Variants in FAM53A observed in about 807,000 individuals in gnomAD.
FAM53A encodes protein FAM53A.
A neutral mutation model predicts 26.6 loss-of-function variants in FAM53A; 28 were observed. The ratio of observed to expected loss-of-function variants is 1.05; its 90% confidence interval spans 0.78 to 1.45. The LOEUF is 1.45. Among genes scored for constraint, FAM53A ranks in the 40% most tolerant of loss-of-function variants. The probability of loss-of-function intolerance (pLI) is 0.00; values close to 1 mark genes in which losing one functional copy is unlikely to be tolerated. For missense variants in FAM53A, 650 were observed against 575.8 expected (o/e 1.13, Z -1.32); for synonymous variants, 290 against 253.1 (o/e 1.15, Z -1.38).
intron 1 of FAM53A, among the ~76,000 whole-genome samples, chr4:1,624,324 T>C (rs957332618): frequency 6.6e-6 from 1 of 152,164 alleles, no homozygotes; most frequent in African/African-American, 2.4e-5. Flanking sequence ...GGTCAGGCGC[T>C]GTGTCAAGGG....
the FAM53A span, among the ~76,000 whole-genome samples, chr4:1,587,879 G>A: frequency 3.0e-4 from 45 of 152,198 alleles, no homozygotes; most frequent in Middle Eastern, 3.4e-3. Flanking sequence ...AATTTTAAAT[G>A]ATTGTATTTT....
rs540508487 is a variant in FAM53A, at chr4:1,630,687, A to T, written c.432-12576T>A. ...AGACAGAAAAGGCCCGCACAGCATG[A>T]TCCCACGTCTACGAAATGCCCAGCT... On this transcript the variant is annotated intron_variant, in intron 1 of 1. Transcript: ENST00000489029. This position sits in a 1 kb window ranked among gnomAD's most constrained non-coding sequence, Gnocchi z 4.3. 1.2e-3 allele frequency among the ~76,000 whole-genome samples: 181 copies of T among 152,238 alleles called. No homozygotes were observed. The highest frequency in any genetic ancestry group is 2.1e-3 in the Non-Finnish European group (143 of 68,000).
rs1180077669 is a variant in FAM53A at position 1,640,549 on chromosome 4, A to G, written c.*744T>C. The G allele has an allele frequency of 2.1e-5, 7 of 331,554 alleles. No individual in the cohort carries two copies. The highest frequency in any genetic ancestry group is 6.9e-5 in the African/African-American group (3 of 43,720). 20.5% of individuals were successfully genotyped at this position (331,554 alleles called of 1,614,324 possible). On this transcript the variant is annotated 3_prime_UTR_variant, in exon 5 of 5. Coordinates refer to ENST00000308132, the MANE Select transcript of FAM53A (RefSeq NM_001174070.3). ...TTCTCCCGAACTGCAAAAGCCATAA[A>G]AATGCAAAATGCTTCTTTAGGAAAA...
chr4:1,665,442 C>G (rs1180741284), intron 2 of FAM53A, among the ~76,000 whole-genome samples: 1 of 151,124 alleles, frequency 6.6e-6, no homozygotes, highest in Non-Finnish European at 1.5e-5. Flanking sequence ...GACGTGCGAT[C>G]ACTCCACTGC....
At chr4:1,586,515 C>G in the FAM53A span, among the ~76,000 whole-genome samples, 1 of 152,050 alleles carries the variant, frequency 6.6e-6, no homozygotes, top group East Asian at 1.9e-4. Context: ...GTGGCTCACA[C>G]CTGTAATCCC....
chr4:1,615,417 A>G (rs73795175), downstream of FAM53A, among the ~76,000 whole-genome samples: 7,516 of 145,702 alleles, frequency 0.052, 659 homozygotes, highest in African/African-American at 0.18. Context: ...ACCTGGGCAC[A>G]CATGGAAGAC....
chr4:1,670,193 C>T (rs553960575), intron 1 of FAM53A, among the ~76,000 whole-genome samples: 1 of 152,386 alleles, frequency 6.6e-6, no homozygotes, highest in African/African-American at 2.4e-5. Context: ...GAGACTCACA[C>T]GCACACTTCT....
In FAM53A at chr4:1,621,101, CT is replaced by C. The variant is rs574102929; in HGVS notation, c.432-2991del. On this transcript the variant is annotated intron_variant, in intron 1 of 1. Coordinates refer to the FAM53A transcript ENST00000489029. The stretch of plus-strand genomic sequence containing the variant: ...TTTCCTAGCTGAGTCAGCTACGCTA[CT>C]TTTTTTTTTTTTTTTTTTTTGAGAT... Among the ~76,000 whole-genome samples the C allele has an allele frequency of 2.1e-3, 205 of 95,518 alleles. 1 individual carries two copies. Among genetic ancestry groups the C allele is most frequent in the Middle Eastern group, 0.021 (3 of 146 alleles). 62.7% of individuals were successfully genotyped at this position (95,518 alleles called of 152,430 possible).
chr4:1,614,899 T>C (rs942840148), downstream of FAM53A, among the ~76,000 whole-genome samples: 5 of 152,204 alleles, frequency 3.3e-5, no homozygotes, highest in Admixed American at 3.3e-4. Context: ...CGTCCTATGC[T>C]GACGGACACC....
chr4:1,612,538 C>T, the FAM53A span, among the ~76,000 whole-genome samples: 1 of 152,098 alleles, frequency 6.6e-6, no homozygotes, highest in Non-Finnish European at 1.5e-5. Context: ...ATGTACACAC[C>T]CACACGGACC....
chr4:1,575,460 C>T, the FAM53A span, among the ~76,000 whole-genome samples: 1 of 152,102 alleles, frequency 6.6e-6, no homozygotes, highest in East Asian at 1.9e-4. Flanking sequence ...AGGGGCCACA[C>T]CAGGGGAAAG....
intron 1 of FAM53A, among the ~76,000 whole-genome samples, chr4:1,671,948 G>A (rs1714689472): frequency 6.6e-6 from 1 of 152,150 alleles, no homozygotes; most frequent in Non-Finnish European, 1.5e-5. Flanking sequence ...GGAGCCTGTT[G>A]AGGTACAGGA....
chr4:1,631,051 TATA>T (rs1453502709), intron 1 of FAM53A, among the ~76,000 whole-genome samples: 1 of 152,170 alleles, frequency 6.6e-6, no homozygotes, highest in Non-Finnish European at 1.5e-5. Flanking sequence ...TCAAAAATAA[TATA>T]ATAATAAATT....
the FAM53A span, among the ~76,000 whole-genome samples, chr4:1,581,205 C>T: frequency 7.5e-6 from 1 of 132,720 alleles, no homozygotes; most frequent in East Asian, 2.3e-4. Flanking sequence ...GGCCCCGCCT[C>T]CCACCCAGGC....
chr4:1,684,378 C>G (rs1577169044), upstream of FAM53A: 6 of 148,016 alleles, frequency 4.1e-5, no homozygotes, highest in South Asian at 1.1e-3. Context: ...CCGCCCGCGC[C>G]CCGCCGCCGC....
chr4:1,597,336 C>T, the FAM53A span, among the ~76,000 whole-genome samples: 1 of 152,120 alleles, frequency 6.6e-6, no homozygotes, highest in Non-Finnish European at 1.5e-5. Context: ...CGGCCCGACA[C>T]AGCTTGAGGT....
intron 1 of FAM53A, among the ~76,000 whole-genome samples, chr4:1,677,079 G>A (rs958128418): frequency 1.4e-4 from 21 of 152,086 alleles, no homozygotes; most frequent in Non-Finnish European, 1.3e-4. Context: ...TAGCCCACTC[G>A]GGGCACCCCT....
chr4:1,624,520 G>A (rs1715195132), intron 1 of FAM53A, among the ~76,000 whole-genome samples: 1 of 152,164 alleles, frequency 6.6e-6, no homozygotes, highest in African/African-American at 2.4e-5. Context: ...GACTGCGCAG[G>A]GACTCCAGGG....
intron 4 of FAM53A, among the ~76,000 whole-genome samples, chr4:1,651,424 C>T (rs1295185144): frequency 1.3e-5 from 2 of 151,500 alleles, no homozygotes; most frequent in African/African-American, 4.9e-5. Flanking sequence ...CCCAGCTACT[C>T]GGGAGGCTGA....
Sources: allele counts gnomAD v4.1 joint callset (sites outside exome capture counted in the v4.1 genomes callset), GRCh38; gene constraint gnomAD v4.1.1; non-coding constraint Gnocchi (gnomAD v3.1); transcripts MANE v1.5; gene names NCBI Gene and HGNC (gene_info 2026-07-23, HGNC 2026-07-21).